LYRM4: variants seen among roughly 807,000 people sequenced by gnomAD.
LYRM4 encodes the protein LYR motif containing 4, also known as LYR motif-containing protein 4.
In LYRM4, 9 loss-of-function variants were observed where a neutral mutation model predicts 11.7. The observed-to-expected ratio is 0.77, with a 90% CI of 0.46 to 1.34. The LOEUF is 1.34. Ranked by LOEUF, LYRM4 falls within the 40% of genes most tolerant of loss-of-function variation. The pLI is 0.00. For missense variants in LYRM4, 133 were observed against 112.5 expected, an observed-to-expected ratio of 1.18 and a Z score of -0.82; for synonymous variants, 42 against 40.4, an observed-to-expected ratio of 1.04 and a Z score of -0.15.
At chr6:5,096,565 G>A in the LYRM4 span, among the ~76,000 whole-genome samples, 10 of 152,282 alleles carry the variant, frequency 6.6e-5, no homozygotes, top group South Asian at 2.1e-3. Context: ...TTAGCTATGG[G>A]GGAGGTGGCC....
rs1445742925 is a variant in LYRM4 at position 5,245,100 on chromosome 6, A to T, written c.86+15548T>A. Among the ~76,000 whole-genome samples, 80 of 50,836 alleles carry T rather than the reference A, an allele frequency of 1.6e-3. 7 individuals carry two copies. The highest frequency in any genetic ancestry group is 3.9e-3 in the African/African-American group (52 of 13,262). The allele number at this position is 50,836 out of a possible 152,430, so 33.4% of individuals were successfully genotyped here. A position where few individuals can be genotyped will look rare whatever the true frequency, so the allele number is the denominator to read the frequency against. On this transcript the variant is annotated intron_variant, in intron 1 of 2. Coordinates refer to ENST00000330636, the MANE Select transcript of LYRM4 (RefSeq NM_020408.6). The stretch of plus-strand genomic sequence containing the variant: ...TTGCAGGAAGACCTTAAAAAAAAAA[A>T]AAAAAAAAAAAAAATATATATATAT...
At chr6:5,190,858 C>A (rs1294885110) in intron 2 of LYRM4, among the ~76,000 whole-genome samples, 1 of 152,086 alleles carries the variant, frequency 6.6e-6, no homozygotes, top group Admixed American at 6.6e-5. Context: ...AACCTGAGCC[C>A]GTGGCTTCAG....
At chr6:5,204,739 C>G (rs1234376688) in intron 2 of LYRM4, among the ~76,000 whole-genome samples, 1 of 152,172 alleles carries the variant, frequency 6.6e-6, no homozygotes, top group African/African-American at 2.4e-5. Flanking sequence ...ACTTGTGTTT[C>G]TTTTTCCCGG....
chr6:5,117,946 C>T (rs1032667139), intron 2 of LYRM4, among the ~76,000 whole-genome samples: 3 of 151,844 alleles, frequency 2.0e-5, no homozygotes. Context: ...ACTGTTTTTA[C>T]CCTGTTGCCT....
At chr6:5,143,750 T>C (rs1037077828) in intron 2 of LYRM4, among the ~76,000 whole-genome samples, 4 of 151,846 alleles carry the variant, frequency 2.6e-5, no homozygotes, top group African/African-American at 9.7e-5. Flanking sequence ...TGCCAAAGGC[T>C]GCGGGAACAA....
intron 1 of LYRM4, among the ~76,000 whole-genome samples, chr6:5,244,350 T>C (rs1303346701): frequency 6.6e-6 from 1 of 152,082 alleles, no homozygotes; most frequent in Non-Finnish European, 1.5e-5. Context: ...CTTATGACAG[T>C]TTTATGGGAA....
downstream of LYRM4, chr6:5,105,092 T>C (rs1291397936): frequency 1.3e-5 from 2 of 152,226 alleles, no homozygotes; most frequent in East Asian, 1.9e-4. Context: ...AATACATTAA[T>C]ACAGAGATGC....
intron 1 of LYRM4, among the ~76,000 whole-genome samples, chr6:5,256,191 T>A (rs1253797199): frequency 6.6e-6 from 1 of 151,974 alleles, no homozygotes; most frequent in East Asian, 1.9e-4. Flanking sequence ...AAGACAAAAT[T>A]TAAGAATGTG....
At chr6:5,112,337 G>A (rs940724795) in intron 2 of LYRM4, among the ~76,000 whole-genome samples, 8 of 152,196 alleles carry the variant, frequency 5.3e-5, no homozygotes, top group Non-Finnish European at 1.5e-5. Flanking sequence ...GCACAGTCCT[G>A]GTAGACAACA....
intron 2 of LYRM4, among the ~76,000 whole-genome samples, chr6:5,209,723 A>G (rs1761892929): frequency 1.3e-5 from 2 of 152,348 alleles, no homozygotes; most frequent in African/African-American, 4.8e-5. Flanking sequence ...CTAGGAAAAG[A>G]AACCTTGGGC....
downstream of LYRM4, chr6:5,103,098 T>C (rs976923355): frequency 6.6e-6 from 1 of 152,220 alleles, no homozygotes; most frequent in Admixed American, 6.5e-5. Context: ...AAGATCGTAT[T>C]GTTCTCAGAG....
intron 2 of LYRM4, among the ~76,000 whole-genome samples, chr6:5,139,049 T>A (rs1314406840): frequency 1.3e-5 from 2 of 152,246 alleles, no homozygotes; most frequent in Admixed American, 6.5e-5. Flanking sequence ...TTCTAGGCAC[T>A]TATGCTAGGT....
rs113497886 is a variant in LYRM4 at position 5,253,022 on chromosome 6, T to C, written c.86+7626A>G. 7.9e-3 allele frequency among the ~76,000 whole-genome samples: 1,201 copies of C among 152,354 alleles called. 6 individuals are homozygous for C. The highest frequency in any genetic ancestry group is 0.024 in the South Asian group (116 of 4,826). ...CACTTAGGAGACCAGCTCCTTTCTA[T>C]GGCCTTTCCTTTGTACTTCATTGAT... On this transcript the variant is annotated intron_variant, in intron 1 of 2. Coordinates refer to ENST00000330636, the MANE Select transcript of LYRM4 (RefSeq NM_020408.6).
intron 2 of LYRM4, chr6:5,132,893 A>G (rs1465733954): frequency 6.6e-6 from 1 of 152,254 alleles, no homozygotes; most frequent in Non-Finnish European, 1.5e-5. Flanking sequence ...GTGGCCTATC[A>G]GTGCTCATGA....
At chr6:5,049,418 C>T in the LYRM4 span, among the ~76,000 whole-genome samples, 4 of 152,306 alleles carry the variant, frequency 2.6e-5, no homozygotes, top group South Asian at 4.1e-4. Flanking sequence ...GTCCTTGAGT[C>T]TTCCCTGCAT....
chr6:5,164,748 A>G (rs756591434), intron 2 of LYRM4, among the ~76,000 whole-genome samples: 3 of 152,114 alleles, frequency 2.0e-5, no homozygotes, highest in African/African-American at 7.2e-5. Flanking sequence ...CAGGCTGATC[A>G]CTTGAGGTCA....
At chr6:5,088,096 T>C in the LYRM4 span, 2 of 151,726 alleles carry the variant, frequency 1.3e-5, no homozygotes, top group East Asian at 3.9e-4. Context: ...AATTTAATTT[T>C]CTTATTATTA....
the LYRM4 span, among the ~76,000 whole-genome samples, chr6:5,060,881 C>A: frequency 6.6e-6 from 1 of 152,184 alleles, no homozygotes; most frequent in Non-Finnish European, 1.5e-5. Flanking sequence ...CAGAGAGATT[C>A]TGCCCACCCC....
chr6:5,177,403 C>A (rs10458084), intron 2 of LYRM4, among the ~76,000 whole-genome samples: 1 of 152,148 alleles, frequency 6.6e-6, no homozygotes, highest in East Asian at 1.9e-4. Flanking sequence ...ACTGGAAAGC[C>A]TACCCAGCTC....
Sources: gnomAD v4.1 joint callset for allele counts (sites outside exome capture counted in the v4.1 genomes callset) on GRCh38, gnomAD v4.1.1 for gene constraint, MANE v1.5 for transcripts, NCBI Gene and HGNC (gene_info 2026-07-23, HGNC 2026-07-21) for gene names.